RECQL: variants seen among roughly 807,000 people sequenced by gnomAD.
The protein encoded by RECQL is ATP-dependent DNA helicase Q1.
In RECQL, 73 loss-of-function variants were observed where a neutral mutation model predicts 75.8. The ratio of observed to expected loss-of-function variants is 0.96; its 90% confidence interval spans 0.80 to 1.17. The LOEUF (loss-of-function observed/expected upper bound fraction) is 1.17, where lower values mean the gene tolerates loss of function less well. Among genes scored for constraint, RECQL ranks in the 50% most tolerant of loss-of-function variants. The probability of loss-of-function intolerance (pLI) is 0.00; values close to 1 mark genes in which losing one functional copy is unlikely to be tolerated. For missense variants in RECQL, 699 were observed against 772.1 expected, an observed-to-expected ratio of 0.91 and a Z score of 1.12; for synonymous variants, 248 against 254.4, an observed-to-expected ratio of 0.97 and a Z score of 0.24.
At chr12:21,492,414 T>C (rs1313125139) in intron 2 of RECQL, among the ~76,000 whole-genome samples, 1 of 152,232 alleles carries the variant, frequency 6.6e-6, no homozygotes, top group Non-Finnish European at 1.5e-5. Flanking sequence ...ATCTTAAAGA[T>C]GTTCTTGGTG....
chr12:21,473,466 A>T, intron 12 of RECQL, 85 bp downstream of exon 12: 1 of 981,122 alleles, frequency 1.0e-6, no homozygotes, highest in Non-Finnish European at 1.6e-6. Context: ...AAAATCACCT[A>T]GTGATGCATT....
intron 2 of RECQL, among the ~76,000 whole-genome samples, chr12:21,493,638 G>C (rs1231607740): frequency 3.9e-5 from 6 of 152,140 alleles, no homozygotes; most frequent in Non-Finnish European, 8.8e-5. Context: ...AAATTTGGAG[G>C]GGAACATAAG....
intron 5 of RECQL, among the ~76,000 whole-genome samples, chr12:21,483,977 T>C (rs1037166203): frequency 2.6e-5 from 4 of 152,152 alleles, no homozygotes; most frequent in African/African-American, 9.6e-5. Context: ...TTATAATCCC[T>C]TTATGTATGT....
chr12:21,491,588 A>C lies in RECQL; in HGVS notation c.145T>G (p.Cys49Gly), dbSNP rs761799998. 1 of 1,613,034 alleles carries C rather than the reference A, an allele frequency of 6.2e-7. No homozygotes were observed. Among genetic ancestry groups the C allele is most frequent in the South Asian group, 1.1e-5 (1 of 91,034 alleles). ...GCCCCGGCATCAGAATCCTCTAAAC[A>C]CTGCTTTATTTTCTTTGTCAGGACT... is the stretch of plus-strand genomic sequence containing the variant. The part of the protein sequence containing the change: ...KKVLTKKIKQ[C>G]LEDSDAGASN... The change falls in exon 3 of 15, where the codon TGT becomes GGT. Residue 49 changes from cysteine (C) to glycine (G), a missense_variant. Cys to Gly is a radical substitution (Grantham distance 159, BLOSUM62 -3). This residue lies in a region of RECQL where 669 missense variants were observed against 713.5 expected (regional missense o/e 0.94). Coordinates refer to ENST00000444129, the MANE Select transcript of RECQL (RefSeq NM_002907.4).
chr12:21,471,560 GGA>G lies in RECQL; in HGVS notation c.1533_1534del (p.Pro512IlefsTer5). The G allele has an allele frequency of 6.2e-7, 1 of 1,612,792 alleles. No individual in the cohort carries two copies. The highest frequency in any genetic ancestry group is 1.1e-5 in the South Asian group (1 of 90,960). ...CATCCAAGAATCAATCAGTTTCAATGGAGTGAGTTTTTCATTCAGTTCCTCTG... is the reference window on the plus strand; with the variant it reads ...CATCCAAGAATCAATCAGTTTCAATGGTGAGTTTTTCATTCAGTTCCTCTG... On this transcript the variant is annotated frameshift_variant, in exon 13 of 15. Coordinates refer to ENST00000444129, the MANE Select transcript of RECQL (RefSeq NM_002907.4). LOFTEE classifies it high-confidence loss of function.
chr12:21,479,350 A>AT (rs11366827), intron 6 of RECQL, among the ~76,000 whole-genome samples: 3,784 of 116,298 alleles, frequency 0.033, 199 homozygotes, highest in African/African-American at 0.1. Context: ...TCATCATGTA[A>AT]TTTTTTTTTT....
intron 13 of RECQL, 71 bp downstream of exon 13, chr12:21,471,357 T>A: frequency 7.2e-7 from 1 of 1,394,624 alleles, no homozygotes; most frequent in Non-Finnish European, 9.9e-7. Flanking sequence ...CAAAACCGTT[T>A]ATTCTGTTGC....
chr12:21,501,549 C>T lies in RECQL; in HGVS notation c.-425G>A, dbSNP rs1591758101. ...ACTCTCCGATCTCCGACTCTCGGAT[C>T]TCCGACACCAAAGCACCCAGGCCTC... On this transcript the variant is annotated 5_prime_UTR_variant, in exon 1 of 15. Transcript: ENST00000444129. 1 of 252,026 alleles carries T rather than the reference C, an allele frequency of 4.0e-6. No homozygotes were observed. The highest frequency in any genetic ancestry group is 7.8e-6 in the Non-Finnish European group (1 of 127,724). The allele number at this position is 252,026 out of a possible 1,614,324, so 15.6% of individuals were successfully genotyped here.
At chr12:21,483,097 A>G (rs1950895683) in intron 6 of RECQL, among the ~76,000 whole-genome samples, 1 of 152,210 alleles carries the variant, frequency 6.6e-6, no homozygotes, top group African/African-American at 2.4e-5. Flanking sequence ...GACAAGGGCA[A>G]TTAAACTACA....
chr12:21,473,700 T>C, intron 11 of RECQL, 58 bp from the exon 12 acceptor site: 1 of 1,433,240 alleles, frequency 7.0e-7, no homozygotes, highest in Non-Finnish European at 9.7e-7. Flanking sequence ...TTTAAGAATC[T>C]CTATTTCAGC....
chr12:21,486,648 A>G (rs1943305138), intron 4 of RECQL, 63 bp from the exon 5 acceptor site: 1 of 453,146 alleles, frequency 2.2e-6, no homozygotes, highest in African/African-American at 2.4e-5. Flanking sequence ...TCAGATGCAA[A>G]CCATTCACGT....
At position 21,471,353 on chromosome 12, in the gene RECQL, C is replaced by T. The variant is rs1309764113; in HGVS notation, c.1667+75G>A. The stretch of plus-strand genomic sequence containing the variant: ...AGTTCACACAAAATAACTGCAAAAC[C>T]GTTTATTCTGTTGCAATTTTTAAAA... On this transcript the variant is annotated intron_variant, in intron 13 of 14. Transcript: ENST00000444129. 4.5e-5 allele frequency: 61 copies of T among 1,349,474 alleles called. No individual in the cohort carries two copies. In the South Asian group the frequency reaches 5.8e-4, roughly 13 times the overall value. The allele number at this position is 1,349,474 out of a possible 1,614,324, so 83.6% of individuals were successfully genotyped here. A position where few individuals can be genotyped will look rare whatever the true frequency, so the allele number is the denominator to read the frequency against.
chr12:21,494,296 AG>A (rs1410207342), intron 2 of RECQL, among the ~76,000 whole-genome samples: 1 of 152,194 alleles, frequency 6.6e-6, no homozygotes, highest in Non-Finnish European at 1.5e-5. Context: ...CCAACACTGG[AG>A]GTCACATTTC....
chr12:21,498,643 G>A (rs1181918233), intron 2 of RECQL, among the ~76,000 whole-genome samples: 1 of 152,118 alleles, frequency 6.6e-6, no homozygotes, highest in African/African-American at 2.4e-5. Flanking sequence ...ACACTATAGG[G>A]ATAAGGAAGA....
At position 21,471,029 on chromosome 12, in the gene RECQL, C is replaced by T. The variant is rs370715202; in HGVS notation, c.1737G>A (p.Leu579=). ...YLKIGPKANL[L]NNEAHAITMQ... ...TAGTAATAGCATGTGCCTCATTGTTCAGAAGATTAGCTTTAGGTCCTATTT... is the reference window on the plus strand; with the variant it reads ...TAGTAATAGCATGTGCCTCATTGTTTAGAAGATTAGCTTTAGGTCCTATTT... The change falls in exon 14 of 15, where the codon CTG becomes CTA. Residue 579 remains leucine, a synonymous_variant. Coordinates refer to ENST00000444129, the MANE Select transcript of RECQL (RefSeq NM_002907.4). 13 of 1,600,030 alleles carry T rather than the reference C, an allele frequency of 8.1e-6. No individual in the cohort carries two copies. Among genetic ancestry groups the T allele is most frequent in the African/African-American group, 1.4e-5 (1 of 73,834 alleles).
rs527676912 is a variant in RECQL, at chr12:21,470,023, A to G, written c.*171T>C. The stretch of plus-strand genomic sequence containing the variant: ...GAAAATTATATAATTCATGATCTCT[A>G]ATTTTCAAACATTCTCAAAAGTTTA... On this transcript the variant is annotated 3_prime_UTR_variant, in exon 15 of 15. Coordinates refer to ENST00000444129, the MANE Select transcript of RECQL (RefSeq NM_002907.4). 7 of 774,556 alleles carry G rather than the reference A, an allele frequency of 9.0e-6. No individual in the cohort carries two copies. In the African/African-American group the frequency reaches 9.1e-5, roughly 10 times the overall value. 48.0% of individuals were successfully genotyped at this position (774,556 alleles called of 1,614,324 possible).
Position 21,475,561 on chromosome 12 carries a change from C to A in RECQL, c.1123G>T (p.Gly375Cys), listed in dbSNP as rs745428075. 6.2e-7 allele frequency: 1 copy of A among 1,612,462 alleles called. No individual in the cohort carries two copies. The highest frequency in any genetic ancestry group is 2.2e-5 in the East Asian group (1 of 44,822). The change falls in exon 10 of 15, where the codon GGT becomes TGT. Residue 375 changes from glycine to cysteine, a missense_variant. Transcript: ENST00000444129. ...IQVVVATVAF[G>C]MGIDKPDVRF... ...ACATCTGGCTTATCAATTCCCATAC[C>A]AAATGCAACAGTTGCCACTACTACC...
At position 21,471,086 on chromosome 12, in the gene RECQL, A is replaced by G. The variant is rs1942942938; in HGVS notation, c.1680T>C (p.Ser560=). 1 of 1,584,470 alleles carries G rather than the reference A, an allele frequency of 6.3e-7. No homozygotes were observed. Among genetic ancestry groups the G allele is most frequent in the Non-Finnish European group, 8.5e-7 (1 of 1,170,392 alleles). The change falls in exon 14 of 15, where the codon AGT becomes AGC. Residue 560 remains serine, a synonymous_variant. Coordinates refer to ENST00000444129, the MANE Select transcript of RECQL (RefSeq NM_002907.4). ...ACGAAATGGTAGCATAAGCTGTAAA[A>G]CTGTAGTCTTCTCTGCAGAAAATAA... ...LIQQYLKEDY[S]FTAYATISYL... is the part of the protein sequence containing the mutation.
At chr12:21,479,933 T>A (rs1162568726) in intron 6 of RECQL, among the ~76,000 whole-genome samples, 1 of 152,200 alleles carries the variant, frequency 6.6e-6, no homozygotes, top group African/African-American at 2.4e-5. Flanking sequence ...CATCAATAGA[T>A]AAATGTTGAA....
Sources: gnomAD v4.1 joint callset for allele counts (sites outside exome capture counted in the v4.1 genomes callset) on GRCh38, gnomAD v4.1.1 for gene constraint, gnomAD v4.1.1 regional missense constraint, MANE v1.5 for transcripts, NCBI Gene and HGNC (gene_info 2026-07-23, HGNC 2026-07-21) for gene names.